LRRTM4: variants seen among roughly 807,000 people sequenced by gnomAD.
The protein encoded by LRRTM4 is leucine rich repeat transmembrane neuronal 4, also known as leucine-rich repeat transmembrane neuronal protein 4.
LRRTM4 carries 25 observed loss-of-function variants against 47.6 expected under a neutral mutation model. The observed-to-expected ratio is 0.53, with a 90% CI of 0.38 to 0.73. The LOEUF is 0.73. Among genes scored for constraint, LRRTM4 ranks in the 30% least tolerant of loss-of-function variants. The pLI, the probability that LRRTM4 is intolerant of heterozygous loss-of-function variation, is 0.00. For missense variants in LRRTM4, 638 were observed against 713.4 expected, an observed-to-expected ratio of 0.89 and a Z score of 1.20; for synonymous variants, 311 against 269.5, an observed-to-expected ratio of 1.15 and a Z score of -1.51.
intron 3 of LRRTM4, among the ~76,000 whole-genome samples, chr2:76,866,716 G>A (rs1358445477): frequency 6.6e-6 from 1 of 152,142 alleles, no homozygotes; most frequent in Non-Finnish European, 1.5e-5. Context: ...TGATGTATAT[G>A]TGTCACATTT....
At chr2:76,877,875 G>T (rs1192773775) in intron 3 of LRRTM4, among the ~76,000 whole-genome samples, 13 of 151,852 alleles carry the variant, frequency 8.6e-5, no homozygotes, top group African/African-American at 3.1e-4. Context: ...TGTATAACAG[G>T]TATTCCAGAA....
intron 3 of LRRTM4, among the ~76,000 whole-genome samples, chr2:76,942,332 T>G (rs1675173940): frequency 6.6e-6 from 1 of 152,140 alleles, no homozygotes; most frequent in African/African-American, 2.4e-5. Context: ...ATTTGTCAAT[T>G]TTGGCTTTTG....
rs191449141 is a variant in LRRTM4 at position 76,801,027 on chromosome 2, G to A, written c.1552-52111C>T. Among the ~76,000 whole-genome samples the A allele has an allele frequency of 1.1e-3, 166 of 147,506 alleles. 3 individuals are homozygous for A. Among genetic ancestry groups the A allele is most frequent in the African/African-American group, 3.5e-3 (139 of 39,610 alleles). On this transcript the variant is annotated intron_variant, in intron 3 of 3. Transcript: ENST00000409884. ...GGCAGGAAACAACAGGTGCTGGAGC[G>A]GATGTGGAGAAATAGGAACACTTTT...
intron 3 of LRRTM4, among the ~76,000 whole-genome samples, chr2:77,095,528 CAG>C (rs939791124): frequency 2.2e-5 from 3 of 138,680 alleles, no homozygotes; most frequent in African/African-American, 8.3e-5. Flanking sequence ...TTTTTTTAGA[CAG>C]AGTCTCGCTC....
chr2:76,876,348 C>T (rs10191141), intron 3 of LRRTM4, among the ~76,000 whole-genome samples: 58,430 of 151,816 alleles, frequency 0.38, 12,533 homozygotes, highest in East Asian at 0.71. Flanking sequence ...CCTTGCATTA[C>T]TGCATGAAGA....
At chr2:77,485,891 C>A (rs1402546565) in intron 3 of LRRTM4, among the ~76,000 whole-genome samples, 2 of 140,064 alleles carry the variant, frequency 1.4e-5, no homozygotes, top group Non-Finnish European at 3.1e-5. Context: ...CCACCACAGT[C>A]GGCTAATTTT....
At chr2:77,423,176 C>A (rs926102787) in intron 3 of LRRTM4, among the ~76,000 whole-genome samples, 2 of 152,012 alleles carry the variant, frequency 1.3e-5, no homozygotes, top group South Asian at 4.1e-4. Flanking sequence ...GTTTAATTTA[C>A]TTTTCATCGC....
chr2:77,493,029 A>G (rs898299702), intron 3 of LRRTM4, among the ~76,000 whole-genome samples: 6 of 152,090 alleles, frequency 3.9e-5, no homozygotes, highest in African/African-American at 1.4e-4. Flanking sequence ...CCAAAAAATA[A>G]CCTCATAGTA....
At chr2:77,144,703 G>C (rs892954516) in intron 3 of LRRTM4, among the ~76,000 whole-genome samples, 1 of 152,066 alleles carries the variant, frequency 6.6e-6, no homozygotes, top group African/African-American at 2.4e-5. Context: ...AAATGTGATA[G>C]AATTCCTCCT....
intron 3 of LRRTM4, among the ~76,000 whole-genome samples, chr2:77,223,323 A>C (rs1337840297): frequency 2.6e-5 from 4 of 152,014 alleles, no homozygotes; most frequent in African/African-American, 4.8e-5. Flanking sequence ...CTCTCTCACC[A>C]CTCCTATTCA....
intron 3 of LRRTM4, among the ~76,000 whole-genome samples, chr2:77,031,628 G>A (rs1156914699): frequency 1.3e-5 from 2 of 152,118 alleles, no homozygotes; most frequent in Admixed American, 6.6e-5. Context: ...CTCTGTGTCA[G>A]TGATGACATG....
chr2:76,780,529 C>T (rs921501951), intron 3 of LRRTM4, among the ~76,000 whole-genome samples: 2 of 152,042 alleles, frequency 1.3e-5, no homozygotes, highest in Admixed American at 6.6e-5. Context: ...TTGCTGATAC[C>T]CTTTTTTCCA....
intron 3 of LRRTM4, among the ~76,000 whole-genome samples, chr2:77,044,188 A>T (rs1679132890): frequency 6.6e-6 from 1 of 151,860 alleles, no homozygotes; most frequent in Non-Finnish European, 1.5e-5. Flanking sequence ...AATACATTGC[A>T]GAGGACCTAC....
intron 3 of LRRTM4, among the ~76,000 whole-genome samples, chr2:77,271,318 C>G (rs999789463): frequency 3.3e-5 from 5 of 152,154 alleles, no homozygotes; most frequent in African/African-American, 1.2e-4. Context: ...TGCTAATACA[C>G]CACCATCTAT....
At chr2:76,883,711 C>T (rs2104116281) in intron 3 of LRRTM4, among the ~76,000 whole-genome samples, 1 of 152,244 alleles carries the variant, frequency 6.6e-6, no homozygotes, top group South Asian at 2.1e-4. Flanking sequence ...GAGTCACAGT[C>T]ACTGAAAATT....
intron 3 of LRRTM4, among the ~76,000 whole-genome samples, chr2:77,331,606 C>T (rs997088704): frequency 1.3e-5 from 2 of 152,196 alleles, no homozygotes; most frequent in Admixed American, 1.3e-4. Flanking sequence ...ATCAACTACT[C>T]TTCTGTACGT....
At chr2:77,501,790 AC>A (rs1473341518) in intron 3 of LRRTM4, among the ~76,000 whole-genome samples, 4 of 151,390 alleles carry the variant, frequency 2.6e-5, no homozygotes, top group African/African-American at 7.2e-5. Flanking sequence ...AAAATTACGA[AC>A]AAGCAAAGAA....
chr2:77,457,004 G>GTGTATATATATA (rs1192297417), intron 3 of LRRTM4, among the ~76,000 whole-genome samples: 5 of 23,182 alleles, frequency 2.2e-4, no homozygotes, highest in African/African-American at 4.5e-4. Flanking sequence ...GTGTGTGTGT[G>GTGTATATATATA]TATATATATA....
chr2:77,174,505 G>A (rs1673137781), intron 3 of LRRTM4, among the ~76,000 whole-genome samples: 1 of 152,068 alleles, frequency 6.6e-6, no homozygotes, highest in Admixed American at 6.6e-5. Context: ...GCCCTCAAAG[G>A]GTAACCGGTA....
Sources: gnomAD v4.1 joint callset for allele counts (sites outside exome capture counted in the v4.1 genomes callset) on GRCh38, gnomAD v4.1.1 for gene constraint, MANE v1.5 for transcripts, NCBI Gene and HGNC (gene_info 2026-07-23, HGNC 2026-07-21) for gene names.